COL4A5: variants seen among roughly 807,000 people sequenced by gnomAD.
The protein encoded by COL4A5 is collagen type IV alpha 5 chain.
COL4A5 carries 26 observed loss-of-function variants against 130.2 expected under a neutral mutation model. The observed-to-expected ratio is 0.20, with a 90% CI of 0.15 to 0.28. COL4A5 has a LOEUF of 0.28. Ranked by LOEUF, COL4A5 falls within the 10% of genes least tolerant of loss-of-function variation. The pLI, the probability that COL4A5 is intolerant of heterozygous loss-of-function variation, is 1.00. For missense variants in COL4A5, 1,131 were observed against 1,344.3 expected (o/e 0.84, Z 2.48); for synonymous variants, 496 against 439.6 (o/e 1.13, Z -1.60).
intron 19 of COL4A5, among the ~76,000 whole-genome samples, chrX:108,588,576 T>C (rs1358966321): frequency 9.1e-6 from 1 of 109,889 alleles, no homozygotes; most frequent in Non-Finnish European, 1.9e-5. Flanking sequence ...GAGGAGAGAA[T>C]GGGACAAGAG....
chrX:108,534,541 A>G (rs1057405863), intron 1 of COL4A5, among the ~76,000 whole-genome samples: 2 of 111,059 alleles, frequency 1.8e-5, no homozygotes, highest in African/African-American at 6.5e-5. Context: ...AAAATTGACC[A>G]TATGGAGGTA....
At chrX:108,554,534 A>G (rs1361392877) in intron 2 of COL4A5, among the ~76,000 whole-genome samples, 2 of 111,582 alleles carry the variant, frequency 1.8e-5, no homozygotes, top group Non-Finnish European at 3.8e-5. Context: ...GTGAGGACCC[A>G]GAGCCAAATC....
At chrX:108,641,905 G>A (rs1356327786) in intron 36 of COL4A5, among the ~76,000 whole-genome samples, 1 of 111,789 alleles carries the variant, frequency 8.9e-6, no homozygotes, top group Non-Finnish European at 1.9e-5. Context: ...ACTCGGGGGA[G>A]GGCATGAATC....
At chrX:108,453,104 T>A (rs974404605) in intron 1 of COL4A5, among the ~76,000 whole-genome samples, 1 of 111,885 alleles carries the variant, frequency 8.9e-6, no homozygotes, top group Non-Finnish European at 1.9e-5. Context: ...TTGTCATTGG[T>A]TCTGTTTGTA....
At chrX:108,585,308 C>G (rs974616312) in intron 18 of COL4A5, among the ~76,000 whole-genome samples, 1 of 111,784 alleles carries the variant, frequency 8.9e-6, no homozygotes, top group African/African-American at 3.2e-5. Flanking sequence ...CATAATGAGT[C>G]TCAGTTATTA....
intron 7 of COL4A5, 131 bp downstream of exon 7, chrX:108,571,597 T>C: frequency 3.1e-6 from 2 of 648,509 alleles, no homozygotes; most frequent in South Asian, 4.9e-5. Context: ...GAGGAAAATG[T>C]TTCAAAAAGA....
chrX:108,537,297 G>A (rs775219693), intron 1 of COL4A5, among the ~76,000 whole-genome samples: 2 of 110,436 alleles, frequency 1.8e-5, no homozygotes, highest in Non-Finnish European at 3.8e-5. Flanking sequence ...TCATAACCTA[G>A]GTGGAATAAA....
At chrX:108,464,128 A>G (rs931520818) in intron 1 of COL4A5, among the ~76,000 whole-genome samples, 2 of 111,582 alleles carry the variant, frequency 1.8e-5, no homozygotes, top group African/African-American at 3.3e-5. Context: ...CACAGGATCT[A>G]TAGTGTCCTC....
At chrX:108,588,084 A>G (rs902596013) in intron 19 of COL4A5, among the ~76,000 whole-genome samples, 1 of 111,186 alleles carries the variant, frequency 9.0e-6, no homozygotes, top group East Asian at 2.8e-4. Context: ...AACACACAGT[A>G]TAGTGGAACA....
intron 6 of COL4A5, among the ~76,000 whole-genome samples, chrX:108,571,056 T>G (rs2066057358): frequency 8.9e-6 from 1 of 112,157 alleles, no homozygotes; most frequent in Non-Finnish European, 1.9e-5. Flanking sequence ...ACAGAGCAGT[T>G]AAAATAAGAA....
At position 108,578,359 on chromosome X, in the gene COL4A5, T is replaced by C. The variant is rs749496842; in HGVS notation, c.756T>C (p.Asp252=). 2 of 1,206,314 alleles carry C rather than the reference T, an allele frequency of 1.7e-6. No homozygotes were observed. Among genetic ancestry groups the C allele is most frequent in the African/African-American group, 3.5e-5 (2 of 57,092 alleles). Residue 252 remains aspartate (D), a synonymous_variant, in exon 13 of 53, where the codon GAT becomes GAC. Coordinates refer to ENST00000328300, the MANE Select transcript of COL4A5 (RefSeq NM_033380.3). ...GQISEQKRPI[D]VEFQKGDQGL... Reference sequence around the variant, plus strand: ...TCAGTGAACAGAAAAGACCAATTGATGTAGAGTTTCAGAAAGGAGATCAGG... The same window carrying C: ...TCAGTGAACAGAAAAGACCAATTGACGTAGAGTTTCAGAAAGGAGATCAGG...
At chrX:108,504,185 T>A (rs1401199046) in intron 1 of COL4A5, among the ~76,000 whole-genome samples, 1 of 111,835 alleles carries the variant, frequency 8.9e-6, no homozygotes. Context: ...GATATCTGCA[T>A]GTAGAAGAAT....
rs757868924 is a variant in COL4A5 at position 108,532,528 on chromosome X, A to T, written c.82-7218A>T. On this transcript the variant is annotated intron_variant, in intron 1 of 52. Transcript: ENST00000328300. ...CTCTAAAAACTGGAACAAGACAAGG[A>T]TGTTGACTTTCACCACTCCTATTCA... is the stretch of plus-strand genomic sequence containing the variant. Among the ~76,000 whole-genome samples the T allele has an allele frequency of 2.3e-4, 26 of 111,936 alleles. No homozygotes were observed. In the South Asian group the frequency reaches 9.6e-3, roughly 41 times the overall value.
At chrX:108,673,534 G>T (rs750432767) in intron 42 of COL4A5, among the ~76,000 whole-genome samples, 2 of 110,186 alleles carry the variant, frequency 1.8e-5, no homozygotes, top group East Asian at 2.8e-4. Flanking sequence ...CTTAATATGT[G>T]CATTGAATAA....
At chrX:108,673,542 T>C (rs1224015519) in intron 42 of COL4A5, among the ~76,000 whole-genome samples, 1 of 110,471 alleles carries the variant, frequency 9.1e-6, no homozygotes, top group Non-Finnish European at 1.9e-5. Context: ...GTGCATTGAA[T>C]AATAATAGAG....
At chrX:108,683,934 T>C (rs1438266026) in intron 47 of COL4A5, among the ~76,000 whole-genome samples, 1 of 111,628 alleles carries the variant, frequency 9.0e-6, no homozygotes, top group Admixed American at 9.6e-5. Flanking sequence ...CTATGTTGAA[T>C]AGGAGTGAAC....
intron 36 of COL4A5, among the ~76,000 whole-genome samples, chrX:108,636,174 C>G (rs1235197811): frequency 9.0e-6 from 1 of 111,568 alleles, no homozygotes; most frequent in Non-Finnish European, 1.9e-5. Context: ...TACCTGTCTG[C>G]AAAAGAATGA....
intron 36 of COL4A5, among the ~76,000 whole-genome samples, chrX:108,638,487 C>T (rs1202595758): frequency 8.9e-6 from 1 of 111,841 alleles, no homozygotes; most frequent in Non-Finnish European, 1.9e-5. Flanking sequence ...AGTCTGAATG[C>T]TTTTCCTCTA....
chrX:108,513,508 G>A (rs1271384927), intron 1 of COL4A5, among the ~76,000 whole-genome samples: 2 of 111,548 alleles, frequency 1.8e-5, no homozygotes, highest in African/African-American at 6.5e-5. Flanking sequence ...CCCTTTTCAT[G>A]TGCTTATTGG....
Sources: allele counts gnomAD v4.1 joint callset (sites outside exome capture counted in the v4.1 genomes callset), GRCh38; gene constraint gnomAD v4.1.1; transcripts MANE v1.5; gene names NCBI Gene and HGNC (gene_info 2026-07-23, HGNC 2026-07-21).